CDH4: variants seen among roughly 807,000 people sequenced by gnomAD.
CDH4 encodes cadherin-4.
A neutral mutation model predicts 86.0 loss-of-function variants in CDH4; 33 were observed. That is an observed-to-expected ratio of 0.38 (90% CI 0.29 to 0.51). CDH4 has a LOEUF of 0.51. Among genes scored for constraint, CDH4 ranks in the 20% least tolerant of loss-of-function variants. The pLI, the probability that CDH4 is intolerant of heterozygous loss-of-function variation, is 0.86. For missense variants in CDH4, 1,114 were observed against 1,307.4 expected, an observed-to-expected ratio of 0.85 and a Z score of 2.28; for synonymous variants, 555 against 549.4, an observed-to-expected ratio of 1.01 and a Z score of -0.14.
At chr20:61,355,583 A>C (rs2084744620) in intron 2 of CDH4, among the ~76,000 whole-genome samples, 1 of 152,250 alleles carries the variant, frequency 6.6e-6, no homozygotes, top group African/African-American at 2.4e-5. Flanking sequence ...ACACAAGCTC[A>C]GCCTGGTTTT....
At chr20:61,651,453 C>T (rs1006959579) in intron 2 of CDH4, among the ~76,000 whole-genome samples, 10 of 152,228 alleles carry the variant, frequency 6.6e-5, no homozygotes, top group African/African-American at 2.4e-4. Context: ...CTCCTTCTGC[C>T]GCTTTCCCAC....
At chr20:61,477,986 T>G (rs1023421504) in intron 2 of CDH4, among the ~76,000 whole-genome samples, 1 of 152,210 alleles carries the variant, frequency 6.6e-6, no homozygotes, top group African/African-American at 2.4e-5. Flanking sequence ...CAACATAGTT[T>G]ATGAGATGTA....
chr20:61,335,174 T>G (rs2084610447), intron 2 of CDH4, among the ~76,000 whole-genome samples: 1 of 152,170 alleles, frequency 6.6e-6, no homozygotes, highest in South Asian at 2.1e-4. Context: ...ATTGATGCCT[T>G]CCTTCTTGGC....
intron 2 of CDH4, among the ~76,000 whole-genome samples, chr20:61,413,567 C>T (rs753239227): frequency 2.6e-5 from 4 of 152,174 alleles, no homozygotes; most frequent in Non-Finnish European, 4.4e-5. Flanking sequence ...CCTAACACAC[C>T]CCCGCACAAC....
chr20:61,707,368 G>A (rs1019352941), intron 2 of CDH4, among the ~76,000 whole-genome samples: 2 of 152,262 alleles, frequency 1.3e-5, no homozygotes, highest in Non-Finnish European at 2.9e-5. Flanking sequence ...GACAGTAAAG[G>A]AAACCTGGGC....
At chr20:61,894,547 C>T (rs1376878849) in intron 7 of CDH4, among the ~76,000 whole-genome samples, 1 of 152,180 alleles carries the variant, frequency 6.6e-6, no homozygotes, top group East Asian at 1.9e-4. Flanking sequence ...GCAAACTGTC[C>T]CTGCTTGGTT....
intron 4 of CDH4, among the ~76,000 whole-genome samples, chr20:61,813,772 G>A (rs567967128): frequency 6.6e-6 from 1 of 152,214 alleles, no homozygotes. Flanking sequence ...CTCTTCCCAG[G>A]AAGCTATGCC....
chr20:61,487,028 C>G (rs1249239347), intron 2 of CDH4, among the ~76,000 whole-genome samples: 1 of 152,134 alleles, frequency 6.6e-6, no homozygotes, highest in Non-Finnish European at 1.5e-5. Flanking sequence ...CAGTCAAGGT[C>G]AGCTAGATTT....
chr20:61,482,613 G>A (rs2085574209), intron 2 of CDH4, among the ~76,000 whole-genome samples: 1 of 152,150 alleles, frequency 6.6e-6, no homozygotes, highest in African/African-American at 2.4e-5. Flanking sequence ...CCCCTGTTCT[G>A]CTGCACCGCT....
At chr20:61,764,583 G>A (rs1156998695) in intron 3 of CDH4, among the ~76,000 whole-genome samples, 2 of 151,928 alleles carry the variant, frequency 1.3e-5, no homozygotes, top group African/African-American at 2.4e-5. Flanking sequence ...AGGGCCCCCC[G>A]AGCAGCCCAC....
chr20:61,470,742 A>C (rs1371561382), intron 2 of CDH4, among the ~76,000 whole-genome samples: 1 of 152,084 alleles, frequency 6.6e-6, no homozygotes, highest in Admixed American at 6.5e-5. Context: ...CATTTTTCTT[A>C]ATCATGAAGG....
At chr20:61,781,978 C>G (rs1978569901) in intron 4 of CDH4, among the ~76,000 whole-genome samples, 1 of 152,190 alleles carries the variant, frequency 6.6e-6, no homozygotes, top group African/African-American at 2.4e-5. Context: ...AAGCTACCAA[C>G]CAAGAGTTTT....
chr20:61,777,327 G>A (rs1352037700), intron 4 of CDH4, among the ~76,000 whole-genome samples: 1 of 152,208 alleles, frequency 6.6e-6, no homozygotes, highest in Non-Finnish European at 1.5e-5. Flanking sequence ...AGCTAACCCT[G>A]CAAAATGGCC....
At chr20:61,662,624 C>T (rs1027135289) in intron 2 of CDH4, among the ~76,000 whole-genome samples, 5 of 152,294 alleles carry the variant, frequency 3.3e-5, no homozygotes, top group Middle Eastern at 6.8e-3. Flanking sequence ...AAGGACATCT[C>T]GCAGGGCGTC....
At chr20:61,577,981 C>T (rs2145714967) in intron 2 of CDH4, among the ~76,000 whole-genome samples, 1 of 152,272 alleles carries the variant, frequency 6.6e-6, no homozygotes, top group East Asian at 1.9e-4. Flanking sequence ...CTGAGGCCCC[C>T]TGTCCCCACA....
chr20:61,716,876 C>T (rs540576436), intron 2 of CDH4, among the ~76,000 whole-genome samples: 8 of 152,106 alleles, frequency 5.3e-5, no homozygotes, highest in East Asian at 3.8e-4. Context: ...CCACTGTACT[C>T]GAGCCTGGGC....
At chr20:61,719,948 C>A (rs1383477527) in intron 2 of CDH4, among the ~76,000 whole-genome samples, 1 of 152,184 alleles carries the variant, frequency 6.6e-6, no homozygotes, top group African/African-American at 2.4e-5. Context: ...TTGCGGTGTG[C>A]TCCCTCCCAG....
chr20:61,626,827 T>C (rs1219754661), intron 2 of CDH4, among the ~76,000 whole-genome samples: 1 of 152,148 alleles, frequency 6.6e-6, no homozygotes, highest in Non-Finnish European at 1.5e-5. Flanking sequence ...TAAATTGCGC[T>C]CGAAGGGTCA....
chr20:61,656,879 C>T (rs918341598), intron 2 of CDH4, among the ~76,000 whole-genome samples: 3 of 152,162 alleles, frequency 2.0e-5, no homozygotes, highest in Non-Finnish European at 4.4e-5. Flanking sequence ...AGGCTTGGGA[C>T]ACAGGTGCAT....
Sources: allele counts gnomAD v4.1 joint callset (sites outside exome capture counted in the v4.1 genomes callset), GRCh38; gene constraint gnomAD v4.1.1; transcripts MANE v1.5; gene names NCBI Gene and HGNC (gene_info 2026-07-23, HGNC 2026-07-21).